The following MYH7B variants were observed in gnomAD, a reference collection of about 807,000 sequenced individuals.
MYH7B encodes the protein myosin-7B.
Under a neutral mutation model 234.5 loss-of-function variants are expected in MYH7B, and 205 were observed. The ratio of observed to expected loss-of-function variants is 0.87; its 90% CI spans 0.78 to 0.98. The LOEUF is 0.98. MYH7B is among the 50% of genes least tolerant of loss of function. The pLI, the probability that MYH7B is intolerant of heterozygous loss-of-function variation, is 0.00. For synonymous variants in MYH7B, 1,193 were observed against 1,105.0 expected (o/e 1.08, Z -1.58); for missense variants, 2,652 against 2,633.4 (o/e 1.01, Z -0.15).
At chr20:34,990,209 T>G in intron 21 of MYH7B, 25 bp from the exon 22 acceptor site, 1 of 1,613,898 alleles carries the variant, frequency 6.2e-7, no homozygotes, top group Non-Finnish European at 8.5e-7. Context: ...TTCCCTGGAG[T>G]GACCAGGCCC....
exon 25 of MYH7B, chr20:34,993,112 C>T: frequency 6.2e-7 from 1 of 1,613,498 alleles, no homozygotes. Flanking sequence ...GTACCGTATC[C>T]TGAACCCCAG....
chr20:34,987,431 G>C (rs148959360), intron 16 of MYH7B, 126 bp from the exon 17 acceptor site: 1 of 1,411,386 alleles, frequency 7.1e-7, no homozygotes, highest in Non-Finnish European at 9.7e-7. Flanking sequence ...CCCTCCTGAG[G>C]CTTTGTTTGC....
chr20:35,001,624 G>A, intron 43 of MYH7B, 98 bp downstream of exon 43: 1 of 1,079,876 alleles, frequency 9.3e-7, no homozygotes, highest in Non-Finnish European at 1.4e-6. Context: ...CACCCTCCAA[G>A]GTCAGTGACC....
At chr20:34,992,213 A>G (rs371085836) in intron 24 of MYH7B, among the ~76,000 whole-genome samples, 43 of 152,142 alleles carry the variant, frequency 2.8e-4, no homozygotes, top group East Asian at 2.7e-3. Flanking sequence ...GTGAAACCCC[A>G]TCTCTACTAA....
In MYH7B at chr20:35,001,022, A is replaced by G. The variant is rs888358379; in HGVS notation, c.5339A>G (p.Gln1780Arg). The change falls in exon 41 of 45, where the codon CAG becomes CGG. Residue 1780 changes from glutamine (Q) to arginine (R), a missense_variant. This residue lies in a region of MYH7B where 2,279 missense variants were observed against 2,211.4 expected (regional missense o/e 1.03). Transcript: ENST00000262873. ...ATGGCCGAGGAGCTGAAGAAGGAGC[A>G]GGACACAAGTGCACACCTGGAACGG... 7 of 1,613,728 alleles carry G rather than the reference A, an allele frequency of 4.3e-6. No individual in the cohort carries two copies. In the African/African-American group the frequency reaches 8.0e-5, roughly 18 times the overall value.
chr20:34,970,446 A>G (rs1170190823), intron 2 of MYH7B, among the ~76,000 whole-genome samples: 1 of 152,198 alleles, frequency 6.6e-6, no homozygotes, highest in Non-Finnish European at 1.5e-5. Flanking sequence ...TAGAGCCCAG[A>G]GTTACAGATG....
At chr20:34,956,982 A>G (rs35828152) in intron 1 of MYH7B, among the ~76,000 whole-genome samples, 135 of 152,334 alleles carry the variant, frequency 8.9e-4, no homozygotes, top group South Asian at 2.9e-3. Context: ...TGAGCCCCGG[A>G]GACGGAGGCT....
chr20:34,999,622 A>G (rs1045889889), exon 37 of MYH7B: 1 of 1,613,738 alleles, frequency 6.2e-7, no homozygotes, highest in Admixed American at 1.7e-5. Flanking sequence ...AAGAGCATCC[A>G]GGAACTGGAG....
At chr20:34,996,934 G>A in intron 30 of MYH7B, 149 bp from the exon 31 acceptor site, 1 of 1,264,868 alleles carries the variant, frequency 7.9e-7, no homozygotes, top group Non-Finnish European at 1.1e-6. Context: ...CCCTAGCCAG[G>A]GTCCAGGGCT....
chr20:34,998,218 C>A, intron 32 of MYH7B, 77 bp from the exon 33 acceptor site: 1 of 1,549,834 alleles, frequency 6.5e-7, no homozygotes, highest in Non-Finnish European at 8.8e-7. Flanking sequence ...GTCTCTGATC[C>A]CAGATCCTGC....
At chr20:35,001,298 C>T in exon 42 of MYH7B, 1 of 1,613,046 alleles carries the variant, frequency 6.2e-7, no homozygotes, top group Non-Finnish European at 8.5e-7. Flanking sequence ...ACGCCGAGGC[C>T]CTTAAGGGCG....
At position 34,998,242 on chromosome 20, in the gene MYH7B, A is replaced by G. The variant is rs1276701997; in HGVS notation, c.3748-53A>G. ...CCCAGATCCTGCCATCTGATGCACA[A>G]ACTTGTTCTGACATCTAACTCCTGA... On this transcript the variant is annotated intron_variant, in intron 32 of 44. Transcript: ENST00000262873. The G allele has an allele frequency of 1.0e-5, 16 of 1,601,156 alleles. No individual in the cohort carries two copies. In the Admixed American group the frequency reaches 1.5e-4, roughly 15 times the overall value.
At chr20:35,001,574 C>T (rs1388201383) in intron 43 of MYH7B, 48 bp downstream of exon 43, 1 of 1,517,888 alleles carries the variant, frequency 6.6e-7, no homozygotes, top group African/African-American at 1.4e-5. Context: ...CCCAGCTCTG[C>T]CCCAGGGTCT....
In MYH7B at chr20:34,975,584, G is replaced by A. The variant is rs749360901; in HGVS notation, c.-122+85G>A. The A allele has an allele frequency of 1.7e-4, 115 of 677,148 alleles. 1 individual carries two copies. The Middle Eastern group carries it at 3.4e-3, about 20-fold the overall frequency. The allele number at this position is 677,148 out of a possible 1,614,324, so 41.9% of individuals were successfully genotyped here. On this transcript the variant is annotated intron_variant, in intron 3 of 44. Coordinates refer to ENST00000262873, the Ensembl canonical transcript of MYH7B. Reference sequence around the variant, plus strand: ...CATTCACTGCAGCCTTGACTGTAATGGCAAAAGACTGAAAACAATCGAAAT... The same window carrying A: ...CATTCACTGCAGCCTTGACTGTAATAGCAAAAGACTGAAAACAATCGAAAT...
intron 35 of MYH7B, 52 bp from the exon 36 acceptor site, chr20:34,999,004 G>A: frequency 6.3e-7 from 1 of 1,582,320 alleles, no homozygotes; most frequent in South Asian, 1.2e-5. Context: ...GAGCTGCTGG[G>A]GCTGTTCTCC....
At chr20:34,986,371 T>G (rs573537836) in intron 14 of MYH7B, among the ~76,000 whole-genome samples, 173 bp downstream of exon 14, 2 of 152,360 alleles carry the variant, frequency 1.3e-5, no homozygotes, top group South Asian at 4.1e-4. Flanking sequence ...AACAGTCCTC[T>G]TAGCTCCAGC....
intron 21 of MYH7B, 30 bp from the exon 22 acceptor site, chr20:34,990,204 T>G: frequency 6.2e-7 from 1 of 1,614,096 alleles, no homozygotes; most frequent in Non-Finnish European, 8.5e-7. Flanking sequence ...CGACATTCCC[T>G]GGAGTGACCA....
intron 2 of MYH7B, among the ~76,000 whole-genome samples, chr20:34,963,059 C>G (rs1398097812): frequency 6.6e-6 from 1 of 152,244 alleles, no homozygotes; most frequent in Non-Finnish European, 1.5e-5. Flanking sequence ...GATCGCGACA[C>G]TGCACTCCAG....
intron 27 of MYH7B, among the ~76,000 whole-genome samples, chr20:34,994,645 G>C (rs1490838068): frequency 6.6e-6 from 1 of 152,152 alleles, no homozygotes; most frequent in Non-Finnish European, 1.5e-5. Flanking sequence ...CAGCTCCCCA[G>C]CTCTCCCCTC....
Sources: gnomAD v4.1 joint callset for allele counts (sites outside exome capture counted in the v4.1 genomes callset) on GRCh38, gnomAD v4.1.1 for gene constraint, gnomAD v4.1.1 regional missense constraint, MANE v1.5 for transcripts, NCBI Gene and HGNC (gene_info 2026-07-23, HGNC 2026-07-21) for gene names.